PRKCH: variants seen among roughly 807,000 people sequenced by gnomAD.
The protein encoded by PRKCH is protein kinase C eta.
Under a neutral mutation model 82.5 loss-of-function variants are expected in PRKCH, and 28 were observed. The ratio of observed to expected loss-of-function variants is 0.34; its 90% CI spans 0.25 to 0.47. The LOEUF (loss-of-function observed/expected upper bound fraction) is 0.47. PRKCH is among the 20% of genes least tolerant of loss of function. PRKCH has a pLI of 1.00. For missense variants in PRKCH, 705 were observed against 881.8 expected (o/e 0.80, Z 2.54); for synonymous variants, 322 against 327.4 (o/e 0.98, Z 0.18).
intron 1 of PRKCH, among the ~76,000 whole-genome samples, chr14:61,208,138 C>T (rs1369137612): frequency 6.6e-6 from 1 of 151,984 alleles, no homozygotes; most frequent in Non-Finnish European, 1.5e-5. Context: ...TTGATTTAAT[C>T]AGTGTTTAAT....
rs537724981 is a variant in PRKCH at position 61,385,080 on chromosome 14, C to CT, written c.364-6140dup. 6.8e-4 allele frequency among the ~76,000 whole-genome samples: 103 copies of CT among 152,044 alleles called. 2 individuals are homozygous for CT. In the East Asian group the frequency reaches 7.7e-3, roughly 11 times the overall value. On this transcript the variant is annotated intron_variant, in intron 1 of 13. Transcript: ENST00000332981. ...TTTCAACAAGGGCCCAGGAGTTGTT[C>CT]TTTTTACCAAGAGAAGTGGTCTGTA...
At chr14:61,301,015 A>G (rs1045423787) in intron 1 of PRKCH, among the ~76,000 whole-genome samples, 5 of 152,184 alleles carry the variant, frequency 3.3e-5, no homozygotes, top group African/African-American at 9.6e-5. Flanking sequence ...AAGCCAGTCT[A>G]TAAAACCTGT....
intron 2 of PRKCH, among the ~76,000 whole-genome samples, chr14:61,409,112 G>T (rs1882120490): frequency 6.6e-6 from 1 of 152,188 alleles, no homozygotes; most frequent in Non-Finnish European, 1.5e-5. Flanking sequence ...TGAGGGTCCA[G>T]CTAATTGATG....
chr14:61,246,267 G>A (rs148829500), intron 1 of PRKCH, among the ~76,000 whole-genome samples: 14,063 of 149,752 alleles, frequency 0.094, 704 homozygotes, highest in Middle Eastern at 0.15. Context: ...AAAAAGCCAG[G>A]TGTGGTGGCA....
At chr14:61,224,479 T>G (rs947391533) in intron 1 of PRKCH, among the ~76,000 whole-genome samples, 2 of 152,326 alleles carry the variant, frequency 1.3e-5, no homozygotes, top group Admixed American at 6.5e-5. Flanking sequence ...CTTCTTTGGC[T>G]CCTTTTTGCT....
chr14:61,324,370 G>T (rs898089664), intron 1 of PRKCH, among the ~76,000 whole-genome samples: 2 of 152,172 alleles, frequency 1.3e-5, no homozygotes, highest in Admixed American at 6.5e-5. Context: ...AACGTTGAGT[G>T]GTTGGTAGGG....
At chr14:61,342,323 G>T (rs2045939162) in intron 1 of PRKCH, among the ~76,000 whole-genome samples, 1 of 152,168 alleles carries the variant, frequency 6.6e-6, no homozygotes, top group South Asian at 2.1e-4. Context: ...ATCTTGGTTT[G>T]TCTTTTCCTG....
intron 1 of PRKCH, among the ~76,000 whole-genome samples, chr14:61,315,050 A>G (rs138290552): frequency 6.6e-6 from 1 of 152,154 alleles, no homozygotes; most frequent in African/African-American, 2.4e-5. Context: ...TTTTTCTTTC[A>G]TTCTGAGAAA....
intron 9 of PRKCH, among the ~76,000 whole-genome samples, chr14:61,470,096 G>A (rs1286068729): frequency 6.6e-6 from 1 of 151,254 alleles, no homozygotes; most frequent in Non-Finnish European, 1.5e-5. Context: ...TCTGCTTGAA[G>A]AGTCTGGGGG....
intron 1 of PRKCH, among the ~76,000 whole-genome samples, chr14:61,335,922 G>C (rs527635305): frequency 3.3e-5 from 5 of 152,278 alleles, no homozygotes; most frequent in African/African-American, 1.2e-4. Context: ...TGTGATGGTT[G>C]GGTGTCAGCC....
At chr14:61,375,859 G>T (rs2046421971) in intron 1 of PRKCH, among the ~76,000 whole-genome samples, 1 of 151,820 alleles carries the variant, frequency 6.6e-6, no homozygotes, top group African/African-American at 2.4e-5. Context: ...TATTTTGAAG[G>T]CTTGTGTGGC....
At position 61,529,150 on chromosome 14, in the gene PRKCH, G is replaced by T; in HGVS notation, c.1509G>T (p.Glu503Asp). 1 of 1,614,052 alleles carries T rather than the reference G, an allele frequency of 6.2e-7. No individual in the cohort carries two copies. The highest frequency in any genetic ancestry group is 8.5e-7 in the Non-Finnish European group (1 of 1,179,946). Residue 503 changes from glutamate to aspartate, a missense_variant, in exon 11 of 14, where the codon GAG (glutamate) becomes GAT (aspartate). Transcript: ENST00000332981. ...TGGCAGACTTCGGAATGTGCAAGGA[G>T]GGGATTTGCAATGGTGTCACCACGG... ...CKLADFGMCKEGICNGVTTAT... is the reference protein window; with the variant it reads ...CKLADFGMCKDGICNGVTTAT...
At chr14:61,492,568 G>T (rs993884536) in intron 10 of PRKCH, among the ~76,000 whole-genome samples, 1 of 152,210 alleles carries the variant, frequency 6.6e-6, no homozygotes, top group Non-Finnish European at 1.5e-5. Context: ...CTTACAGCTG[G>T]CATGAAGAGC....
chr14:61,267,587 C>T (rs1046435701), intron 1 of PRKCH, among the ~76,000 whole-genome samples: 46 of 152,172 alleles, frequency 3.0e-4, no homozygotes, highest in African/African-American at 1.1e-3. Flanking sequence ...GCATCCGGCA[C>T]ACTGTTTTAT....
chr14:61,307,815 C>T (rs148438488), intron 1 of PRKCH, among the ~76,000 whole-genome samples: 2,988 of 152,230 alleles, frequency 0.02, 57 homozygotes, highest in Middle Eastern at 0.054. Context: ...AATAAACATG[C>T]AGCTAAATGC....
chr14:61,475,843 AT>A (rs1371749265), intron 9 of PRKCH, among the ~76,000 whole-genome samples: 6 of 152,306 alleles, frequency 3.9e-5, no homozygotes, highest in Admixed American at 1.3e-4. Context: ...AAAACTTCTT[AT>A]TTGCCCTGAA....
chr14:61,304,700 C>T (rs541821474), intron 1 of PRKCH: 2 of 151,894 alleles, frequency 1.3e-5, no homozygotes, highest in African/African-American at 2.4e-5. Flanking sequence ...GGCATACACT[C>T]GTAGTCCTAG....
chr14:61,433,242 C>G (rs1234256425), intron 2 of PRKCH, among the ~76,000 whole-genome samples: 3 of 152,038 alleles, frequency 2.0e-5, no homozygotes. Flanking sequence ...CCACCATGCA[C>G]TTGGAGAAGG....
intron 12 of PRKCH, among the ~76,000 whole-genome samples, chr14:61,542,777 G>A (rs1594800153): frequency 6.6e-6 from 1 of 152,288 alleles, no homozygotes; most frequent in Non-Finnish European, 1.5e-5. Flanking sequence ...AGGGACATAA[G>A]CAAATAATGG....
Sources: allele counts gnomAD v4.1 joint callset (sites outside exome capture counted in the v4.1 genomes callset), GRCh38; gene constraint gnomAD v4.1.1; transcripts MANE v1.5; gene names NCBI Gene and HGNC (gene_info 2026-07-23, HGNC 2026-07-21).